The following NAP1L4 variants were observed in gnomAD, a reference collection of about 807,000 sequenced individuals.
NAP1L4 encodes the protein nucleosome assembly protein 1-like 4.
NAP1L4 carries 15 observed loss-of-function variants against 58.2 expected under a neutral mutation model. That is an observed-to-expected ratio of 0.26 (90% CI 0.17 to 0.40). The LOEUF (loss-of-function observed/expected upper bound fraction) is 0.40, where lower values mean the gene tolerates loss of function less well. Among genes scored for constraint, NAP1L4 ranks in the 10% least tolerant of loss-of-function variants. NAP1L4 has a pLI of 1.00. For missense variants in NAP1L4, 384 were observed against 451.1 expected, an observed-to-expected ratio of 0.85 and a Z score of 1.35; for synonymous variants, 171 against 155.6, an observed-to-expected ratio of 1.10 and a Z score of -0.74.
chr11:2,949,355 A>C lies in NAP1L4; in HGVS notation c.1123-91T>G. The C allele has an allele frequency of 9.4e-7, 1 of 1,068,152 alleles. No homozygotes were observed. Among genetic ancestry groups the C allele is most frequent in the Non-Finnish European group, 1.5e-6 (1 of 686,940 alleles). The allele number at this position is 1,068,152 out of a possible 1,614,324, so 66.2% of individuals were successfully genotyped here. On this transcript the variant is annotated intron_variant, in intron 14 of 15. Coordinates refer to ENST00000380542, the MANE Select transcript of NAP1L4 (RefSeq NM_005969.4). The surrounding 1 kb of genome is among the most constrained non-coding windows in gnomAD (Gnocchi z 4.0). ...CAGGAGGAAACGGCCACAATTTCTC[A>C]TGATACAAAAGGGCTGCAAGATACT...
chr11:2,973,519 C>G (rs1184354286), intron 4 of NAP1L4, among the ~76,000 whole-genome samples: 4 of 152,140 alleles, frequency 2.6e-5, no homozygotes, highest in Admixed American at 6.5e-5. Flanking sequence ...GTAGGCAAGT[C>G]ACACACACAT....
chr11:2,947,988 G>T (rs1050657544), intron 15 of NAP1L4, among the ~76,000 whole-genome samples: 4 of 152,180 alleles, frequency 2.6e-5, no homozygotes, highest in Admixed American at 6.5e-5. Context: ...CTTCCAGGGA[G>T]GCATACTGAA....
intron 6 of NAP1L4, among the ~76,000 whole-genome samples, chr11:2,970,335 G>T (rs1288364452): frequency 6.6e-6 from 1 of 151,604 alleles, no homozygotes; most frequent in Non-Finnish European, 1.5e-5. Context: ...TCTAGCACTG[G>T]GCAAAAAAAG....
At chr11:2,976,446 T>C (rs1000379658) in intron 3 of NAP1L4, among the ~76,000 whole-genome samples, 4 of 152,154 alleles carry the variant, frequency 2.6e-5, no homozygotes, top group Admixed American at 2.6e-4. Flanking sequence ...TAAGTTCACA[T>C]GGTCTACCCC....
At chr11:2,964,611 C>T in intron 8 of NAP1L4, 69 bp downstream of exon 8, 1 of 1,350,102 alleles carries the variant, frequency 7.4e-7, no homozygotes, top group African/African-American at 1.5e-5. Context: ...TTGCCCCTGG[C>T]TCCAAGTTCT....
intron 8 of NAP1L4, among the ~76,000 whole-genome samples, chr11:2,960,451 C>T (rs562827845): frequency 1.3e-4 from 20 of 152,256 alleles, no homozygotes; most frequent in Admixed American, 6.5e-4. Context: ...TTACAAAGCA[C>T]GCTACAGACC....
chr11:2,945,686 A>C, intron 15 of NAP1L4, 40 bp from the exon 16 acceptor site: 1 of 1,505,914 alleles, frequency 6.6e-7, no homozygotes, highest in South Asian at 1.2e-5. Flanking sequence ...GAGCAAAGCC[A>C]GCTCCATTCA....
intron 8 of NAP1L4, among the ~76,000 whole-genome samples, chr11:2,961,433 A>T (rs1846898863): frequency 6.6e-6 from 1 of 151,888 alleles, no homozygotes; most frequent in Non-Finnish European, 1.5e-5. Context: ...TCACAAGGAA[A>T]GGAAGAGGCA....
intron 15 of NAP1L4, among the ~76,000 whole-genome samples, chr11:2,947,937 G>A (rs1224602738): frequency 2.6e-5 from 4 of 152,244 alleles, no homozygotes; most frequent in Non-Finnish European, 5.9e-5. Flanking sequence ...GCCTCAGTGG[G>A]ACACTCCTCG....
rs1357544967 is a variant in NAP1L4 at position 2,959,247 on chromosome 11, C to T, written c.746+523G>A. 2.0e-5 allele frequency among the ~76,000 whole-genome samples: 3 copies of T among 152,214 alleles called. No individual in the cohort carries two copies. Among genetic ancestry groups the T allele is most frequent in the Non-Finnish European group, 4.4e-5 (3 of 68,034 alleles). On this transcript the variant is annotated intron_variant, in intron 9 of 15. Transcript: ENST00000380542. The surrounding 1 kb of genome is among the most constrained non-coding windows in gnomAD (Gnocchi z 4.9). Reference sequence around the variant, plus strand: ...TAAACGTAATTGTTTCAAGTCAAGACTAAAACCATTTCTCAGTCAACCCAA... The same window carrying T: ...TAAACGTAATTGTTTCAAGTCAAGATTAAAACCATTTCTCAGTCAACCCAA...
chr11:2,953,869 A>T (rs945865853), intron 12 of NAP1L4, among the ~76,000 whole-genome samples: 2 of 152,226 alleles, frequency 1.3e-5, no homozygotes, highest in African/African-American at 4.8e-5. Context: ...CATCTAGAAC[A>T]TACTTCCAGT....
chr11:2,974,758 AAAAC>A (rs1847849304), intron 4 of NAP1L4, among the ~76,000 whole-genome samples: 1 of 152,086 alleles, frequency 6.6e-6, no homozygotes, highest in African/African-American at 2.4e-5. Flanking sequence ...AAAACAAAAC[AAAAC>A]AAACAAAAAA....
rs1846248238 is a variant in NAP1L4, at chr11:2,951,875, G to A, written c.1036-66C>T. ...TGACAGCAGCCTGCCCAAGACACCAGTCCCATCAAGTGACTCACTGACCAA... is the reference window on the plus strand; with the variant it reads ...TGACAGCAGCCTGCCCAAGACACCAATCCCATCAAGTGACTCACTGACCAA... On this transcript the variant is annotated intron_variant, in intron 12 of 15. Coordinates refer to ENST00000380542, the MANE Select transcript of NAP1L4 (RefSeq NM_005969.4). This position sits in a 1 kb window ranked among gnomAD's most constrained non-coding sequence, Gnocchi z 4.0. 1.4e-6 allele frequency: 2 copies of A among 1,476,620 alleles called. No homozygotes were observed. Among genetic ancestry groups the A allele is most frequent in the Admixed American group, 3.4e-5 (2 of 58,552 alleles). The allele number at this position is 1,476,620 out of a possible 1,614,324, so 91.5% of individuals were successfully genotyped here. A position where few individuals can be genotyped will look rare whatever the true frequency, so the allele number is the denominator to read the frequency against.
At chr11:2,967,373 G>C (rs894092404) in intron 7 of NAP1L4, among the ~76,000 whole-genome samples, 22 of 152,184 alleles carry the variant, frequency 1.4e-4, no homozygotes, top group Non-Finnish European at 3.2e-4. Context: ...AGCACTTTGG[G>C]AGGCCAAGGC....
intron 4 of NAP1L4, 50 bp from the exon 5 acceptor site, chr11:2,972,293 C>T (rs1230170498): frequency 2.0e-6 from 3 of 1,492,150 alleles, no homozygotes; most frequent in Non-Finnish European, 2.7e-6. Flanking sequence ...CAAAATAAAG[C>T]AGCATGCTTT....
intron 4 of NAP1L4, among the ~76,000 whole-genome samples, chr11:2,974,369 C>A (rs955689463): frequency 1.3e-5 from 2 of 152,204 alleles, no homozygotes; most frequent in African/African-American, 2.4e-5. Context: ...GGAACCACTT[C>A]TAGTCCCACA....
At position 2,948,745 on chromosome 11, in the gene NAP1L4, A is replaced by T. The variant is rs1846069075; in HGVS notation, c.*32+482T>A. ...AGTAAAAGCTGTTACCCCTCTGTGT[A>T]CCTATTGGTCTGCACAAAACATGAA... On this transcript the variant is annotated intron_variant, in intron 15 of 15. Transcript: ENST00000380542. The surrounding 1 kb of genome is among the most constrained non-coding windows in gnomAD (Gnocchi z 5.1). 6.6e-6 allele frequency among the ~76,000 whole-genome samples: 1 copy of T among 152,232 alleles called. No individual in the cohort carries two copies. The highest frequency in any genetic ancestry group is 2.1e-4 in the South Asian group (1 of 4,832).
chr11:2,982,883 T>C (rs1456598541), intron 1 of NAP1L4, among the ~76,000 whole-genome samples: 1 of 152,160 alleles, frequency 6.6e-6, no homozygotes, highest in African/African-American at 2.4e-5. Flanking sequence ...TAGCTGGGCA[T>C]GGTGGCACTC....
chr11:2,987,711 C>G (rs1024516065), intron 1 of NAP1L4, among the ~76,000 whole-genome samples: 2 of 144,542 alleles, frequency 1.4e-5, no homozygotes, highest in East Asian at 2.1e-4. Context: ...GAGCCGAGAT[C>G]GCGCCACTGC....
Sources: gnomAD v4.1 joint callset for allele counts (sites outside exome capture counted in the v4.1 genomes callset) on GRCh38, gnomAD v4.1.1 for gene constraint, Gnocchi (gnomAD v3.1) non-coding constraint, MANE v1.5 for transcripts, NCBI Gene and HGNC (gene_info 2026-07-23, HGNC 2026-07-21) for gene names.